The following TCF4 variants were observed in gnomAD, a reference collection of about 807,000 sequenced individuals.
The protein encoded by TCF4 is transcription factor 4, also known as SL3-3 enhancer factor 2.
In TCF4, 3 loss-of-function variants were observed where a neutral mutation model predicts 82.1. That is an observed-to-expected ratio of 0.04 (90% CI 0.02 to 0.09). The LOEUF (loss-of-function observed/expected upper bound fraction) is 0.09. TCF4 is among the 10% of genes least tolerant of loss of function. The pLI, the probability that TCF4 is intolerant of heterozygous loss-of-function variation, is 1.00. For synonymous variants in TCF4, 276 were observed against 309.6 expected (o/e 0.89, Z 1.14); for missense variants, 518 against 852.7 (o/e 0.61, Z 4.89).
intron 2 of TCF4, chr18:55,585,716 T>C (rs2097637409): frequency 1.8e-6 from 2 of 1,090,588 alleles, no homozygotes; most frequent in South Asian, 2.8e-5. Flanking sequence ...TTGTTTTATA[T>C]TGAAAACCTT....
chr18:55,358,560 A>C (rs2084209207), intron 6 of TCF4, among the ~76,000 whole-genome samples: 2 of 152,250 alleles, frequency 1.3e-5, no homozygotes, highest in Non-Finnish European at 2.9e-5. Flanking sequence ...ATGTGACCTG[A>C]CCAATGCCAT....
At chr18:55,472,541 A>G (rs1260580782) in intron 3 of TCF4, among the ~76,000 whole-genome samples, 2 of 152,214 alleles carry the variant, frequency 1.3e-5, no homozygotes, top group Non-Finnish European at 2.9e-5. Flanking sequence ...CTTTTAAAGC[A>G]ATATCCTACA....
chr18:55,354,575 C>T (rs892258194), intron 6 of TCF4, among the ~76,000 whole-genome samples: 1 of 152,190 alleles, frequency 6.6e-6, no homozygotes, highest in Non-Finnish European at 1.5e-5. Context: ...ATAGAACTCA[C>T]TGCTTGAAGC....
intron 8 of TCF4, among the ~76,000 whole-genome samples, chr18:55,341,422 C>T (rs954324440): frequency 6.6e-6 from 1 of 152,150 alleles, no homozygotes; most frequent in Non-Finnish European, 1.5e-5. Context: ...AGTACTCTGG[C>T]ATGGAATAAG....
chr18:55,469,082 T>C (rs1452136727), intron 3 of TCF4, among the ~76,000 whole-genome samples: 2 of 152,194 alleles, frequency 1.3e-5, no homozygotes, highest in South Asian at 2.1e-4. Context: ...AACTCTTCCA[T>C]GGGATTGCTG....
In TCF4 at chr18:55,501,647, A is replaced by G. The variant is rs538144737; in HGVS notation, c.146-37510T>C. Among the ~76,000 whole-genome samples the G allele has an allele frequency of 5.8e-4, 88 of 152,290 alleles. 1 individual carries two copies. The highest frequency in any genetic ancestry group is 2.0e-3 in the African/African-American group (82 of 41,558). On this transcript the variant is annotated intron_variant, in intron 3 of 19. Transcript: ENST00000354452. Reference sequence around the variant, plus strand: ...GGAACACATTTTACTGTAGTGAAATAAACTGAGGAAACAGTTAGCAGATTA... The same window carrying G: ...GGAACACATTTTACTGTAGTGAAATGAACTGAGGAAACAGTTAGCAGATTA...
intron 5 of TCF4, among the ~76,000 whole-genome samples, chr18:55,453,596 G>A (rs1254695827): frequency 1.3e-5 from 2 of 151,986 alleles, no homozygotes; most frequent in South Asian, 2.1e-4. Context: ...AATGTTATAC[G>A]ACTTGGATTA....
intron 3 of TCF4, among the ~76,000 whole-genome samples, chr18:55,530,176 A>T (rs1359359891): frequency 6.6e-6 from 1 of 152,210 alleles, no homozygotes; most frequent in Non-Finnish European, 1.5e-5. Context: ...GCAATTGTGG[A>T]TCTGTACAAA....
chr18:55,276,397 T>C (rs2061505876), intron 9 of TCF4, among the ~76,000 whole-genome samples: 1 of 152,194 alleles, frequency 6.6e-6, no homozygotes, highest in African/African-American at 2.4e-5. Context: ...AAACATGCCC[T>C]AGGTAGCTAT....
At chr18:55,349,591 G>A (rs536944468) in intron 8 of TCF4, among the ~76,000 whole-genome samples, 1 of 152,016 alleles carries the variant, frequency 6.6e-6, no homozygotes, top group East Asian at 1.9e-4. Flanking sequence ...AGAAAGAAGA[G>A]AGGAAACTAT....
At chr18:55,230,608 T>G (rs191538336) in intron 17 of TCF4, 1 of 152,154 alleles carries the variant, frequency 6.6e-6, no homozygotes, top group African/African-American at 2.4e-5. Flanking sequence ...ACAATTAACC[T>G]AAAGGGTAAT....
chr18:55,282,940 TG>T (rs1346700726), intron 8 of TCF4, among the ~76,000 whole-genome samples: 1 of 151,976 alleles, frequency 6.6e-6, no homozygotes, highest in African/African-American at 2.4e-5. Context: ...GAATTGGAAA[TG>T]GAAAGACTTG....
At chr18:55,578,833 G>A (rs1409925419) in intron 3 of TCF4, among the ~76,000 whole-genome samples, 2 of 152,016 alleles carry the variant, frequency 1.3e-5, no homozygotes, top group African/African-American at 4.8e-5. Context: ...ACCAATGCCA[G>A]TCCAGAAAGT....
intron 3 of TCF4, among the ~76,000 whole-genome samples, chr18:55,582,539 C>T (rs1164773575): frequency 6.6e-6 from 1 of 152,102 alleles, no homozygotes; most frequent in Non-Finnish European, 1.5e-5. Context: ...GGCTGTAGCT[C>T]AGGTTACATT....
intron 6 of TCF4, among the ~76,000 whole-genome samples, chr18:55,354,226 G>A (rs896624305): frequency 1.3e-5 from 2 of 152,138 alleles, no homozygotes; most frequent in African/African-American, 4.8e-5. Context: ...GAATGTTTTG[G>A]GGTTCACCCT....
intron 6 of TCF4, among the ~76,000 whole-genome samples, chr18:55,370,523 T>C (rs1225038009): frequency 6.6e-6 from 1 of 152,074 alleles, no homozygotes; most frequent in Non-Finnish European, 1.5e-5. Context: ...CTCAATTGAC[T>C]GAACAAAACT....
At chr18:55,538,042 A>G (rs1166893482) in intron 3 of TCF4, among the ~76,000 whole-genome samples, 11 of 151,740 alleles carry the variant, frequency 7.2e-5, no homozygotes, top group African/African-American at 1.2e-4. Flanking sequence ...ACACACACAC[A>G]CACACACACA....
chr18:55,390,307 A>AAG (rs1556003272), intron 6 of TCF4, among the ~76,000 whole-genome samples: 121 of 140,790 alleles, frequency 8.6e-4, no homozygotes, highest in African/African-American at 2.9e-3. Context: ...AAAAAAAAAA[A>AAG]AAAGAAAGAA....
At chr18:55,375,374 A>C (rs1293233761) in intron 6 of TCF4, among the ~76,000 whole-genome samples, 1 of 152,092 alleles carries the variant, frequency 6.6e-6, no homozygotes, top group Non-Finnish European at 1.5e-5. Flanking sequence ...ACACACATTC[A>C]TTTTAAGAAG....
Sources: gnomAD v4.1 joint callset for allele counts (sites outside exome capture counted in the v4.1 genomes callset) on GRCh38, gnomAD v4.1.1 for gene constraint, MANE v1.5 for transcripts, NCBI Gene and HGNC (gene_info 2026-07-23, HGNC 2026-07-21) for gene names.